CDK14: variants seen among roughly 807,000 people sequenced by gnomAD.
CDK14 encodes the protein cyclin-dependent kinase 14.
CDK14 carries 34 observed loss-of-function variants against 60.7 expected under a neutral mutation model. That is an observed-to-expected ratio of 0.56 (90% confidence interval 0.43 to 0.75). CDK14 has a LOEUF of 0.75. CDK14 is among the 30% of genes least tolerant of loss of function. The pLI is 0.00. For synonymous variants in CDK14, 197 were observed against 203.7 expected, an observed-to-expected ratio of 0.97 and a Z score of 0.28; for missense variants, 482 against 564.1, an observed-to-expected ratio of 0.85 and a Z score of 1.47.
Position 90,685,932 on chromosome 7 carries a change from T to C in CDK14, c.124-40635T>C, listed in dbSNP as rs529220647. On this transcript the variant is annotated intron_variant, in intron 2 of 14. Transcript: ENST00000380050. Reference sequence around the variant, plus strand: ...TATTTATTACCTGCTGCTTCATGTTTCTTTTTGTTGATATTTTGATTGTAC... The same window carrying C: ...TATTTATTACCTGCTGCTTCATGTTCCTTTTTGTTGATATTTTGATTGTAC... Among the ~76,000 whole-genome samples, 6 of 152,198 alleles carry C rather than the reference T, an allele frequency of 3.9e-5. No individual in the cohort carries two copies. The South Asian group carries it at 1.2e-3, about 32-fold the overall frequency.
intron 14 of CDK14, among the ~76,000 whole-genome samples, chr7:91,192,886 A>C (rs1015632646): frequency 6.6e-6 from 1 of 152,172 alleles, no homozygotes; most frequent in Non-Finnish European, 1.5e-5. Flanking sequence ...CACACTGCCA[A>C]CGTATGCTTC....
At position 91,112,595 on chromosome 7, in the gene CDK14, C is replaced by T. The variant is rs371326924; in HGVS notation, c.1208C>T (p.Ser403Phe). Residue 403 changes from serine to phenylalanine, a missense_variant, in exon 13 of 15, where the codon TCC becomes TTC. Physicochemically the swap from Ser to Phe is radical, Grantham distance 155. Coordinates refer to ENST00000380050, the MANE Select transcript of CDK14 (RefSeq NM_001287135.2). ...EDLASKLLQC[S>F]PKNRLSAQAA... ...CTGGCCTCCAAGCTCCTACAATGTT[C>T]CCCAAAGAACAGACTGTCGGCACAG... 6.2e-7 allele frequency: 1 copy of T among 1,613,720 alleles called. No homozygotes were observed. Among genetic ancestry groups the T allele is most frequent in the African/African-American group, 1.3e-5 (1 of 74,984 alleles).
At chr7:90,944,899 G>C (rs1324971206) in intron 8 of CDK14, among the ~76,000 whole-genome samples, 1 of 152,182 alleles carries the variant, frequency 6.6e-6, no homozygotes, top group Non-Finnish European at 1.5e-5. Context: ...GGACCAGGAA[G>C]GGGAGGGCAA....
At position 91,137,316 on chromosome 7, in the gene CDK14, C is replaced by G. The variant is rs116915466; in HGVS notation, c.*28+19108C>G. Among the ~76,000 whole-genome samples, 72 of 152,262 alleles carry G rather than the reference C, an allele frequency of 4.7e-4. No homozygotes were observed. The East Asian group carries it at 4.8e-3, about 10-fold the overall frequency. On this transcript the variant is annotated intron_variant, in intron 14 of 14. Transcript: ENST00000380050. ...GTTGCTGAGCTTGTCAAGCACAGTG[C>G]TGTGTTCTCTTTCCCACCAGGAAGG...
intron 4 of CDK14, among the ~76,000 whole-genome samples, chr7:90,756,175 A>T (rs1584860883): frequency 6.6e-6 from 1 of 152,260 alleles, no homozygotes; most frequent in Non-Finnish European, 1.5e-5. Context: ...TGAATATTCC[A>T]AATAGTTCTC....
intron 14 of CDK14, among the ~76,000 whole-genome samples, chr7:91,118,461 C>A (rs1003049960): frequency 1.8e-4 from 28 of 152,088 alleles, no homozygotes; most frequent in Admixed American, 7.9e-4. Flanking sequence ...TAGTTATAAG[C>A]AAGTCATCTT....
chr7:91,112,244 G>C (rs1217498168), intron 12 of CDK14, among the ~76,000 whole-genome samples: 1 of 152,056 alleles, frequency 6.6e-6, no homozygotes, highest in Non-Finnish European at 1.5e-5. Context: ...TATTTGATAT[G>C]TTGTCTTCTG....
intron 8 of CDK14, among the ~76,000 whole-genome samples, chr7:90,943,499 T>C (rs35116702): frequency 0.01 from 1,587 of 152,260 alleles, 27 homozygotes; most frequent in African/African-American, 0.035. Context: ...TAGATAAAAT[T>C]TGAGAAAAAT....
intron 6 of CDK14, among the ~76,000 whole-genome samples, chr7:90,895,818 C>T (rs376230909): frequency 1.1e-4 from 17 of 148,500 alleles, no homozygotes; most frequent in African/African-American, 1.5e-4. Context: ...TCAAGTGATC[C>T]GCCTGCCTCA....
chr7:90,824,440 T>C (rs1281867290), intron 5 of CDK14, among the ~76,000 whole-genome samples: 1 of 152,048 alleles, frequency 6.6e-6, no homozygotes, highest in Non-Finnish European at 1.5e-5. Context: ...ACCGAAGAGG[T>C]TTTGGAAACA....
intron 2 of CDK14, among the ~76,000 whole-genome samples, chr7:90,618,487 C>T (rs1481707759): frequency 6.6e-6 from 1 of 152,182 alleles, no homozygotes; most frequent in Non-Finnish European, 1.5e-5. Flanking sequence ...CTGGGCTCCA[C>T]CTTGCCCTCA....
At chr7:90,740,270 T>TAGAG (rs397890123) in intron 3 of CDK14, among the ~76,000 whole-genome samples, 1,869 of 140,074 alleles carry the variant, frequency 0.013, 27 homozygotes, top group Non-Finnish European at 0.012. Context: ...TATATATATA[T>TAGAG]AGAGAGAGAG....
intron 2 of CDK14, among the ~76,000 whole-genome samples, chr7:90,637,798 C>T (rs958963756): frequency 3.0e-5 from 4 of 133,798 alleles, no homozygotes; most frequent in Admixed American, 1.6e-4. Context: ...TAAGGACTTG[C>T]TTTATGAATC....
chr7:91,087,085 C>A (rs1383449569), intron 12 of CDK14, among the ~76,000 whole-genome samples: 4 of 152,122 alleles, frequency 2.6e-5, no homozygotes, highest in Non-Finnish European at 5.9e-5. Context: ...CCATCCCTAG[C>A]TAAGAAAGAG....
intron 11 of CDK14, among the ~76,000 whole-genome samples, chr7:91,046,375 A>G (rs67042934): frequency 0.14 from 20,627 of 152,220 alleles, 1,514 homozygotes; most frequent in Middle Eastern, 0.17. Flanking sequence ...AAACTAGTAA[A>G]TATATGGTCT....
chr7:91,126,841 AT>A (rs371017509), intron 14 of CDK14, among the ~76,000 whole-genome samples: 3 of 150,606 alleles, frequency 2.0e-5, no homozygotes, highest in Non-Finnish European at 3.0e-5. Flanking sequence ...TCTTTTTTTT[AT>A]TTTTTTTTCC....
At chr7:90,863,668 A>ATGTGTGTGTGTGTGTGTGTGTG (rs549142223) in intron 6 of CDK14, among the ~76,000 whole-genome samples, 2 of 48,900 alleles carry the variant, frequency 4.1e-5, no homozygotes, top group South Asian at 9.6e-4. Context: ...GCTTATTAAG[A>ATGTGTGTGTGTGTGTGTGTGTG]TATGTGTGTG....
intron 14 of CDK14, among the ~76,000 whole-genome samples, chr7:91,125,920 A>G (rs1362643326): frequency 6.6e-6 from 1 of 152,202 alleles, no homozygotes; most frequent in Non-Finnish European, 1.5e-5. Context: ...ATTACATATA[A>G]TAATTACTGT....
chr7:90,624,279 A>G (rs928515977), intron 2 of CDK14, among the ~76,000 whole-genome samples: 1 of 152,194 alleles, frequency 6.6e-6, no homozygotes, highest in Admixed American at 6.5e-5. Flanking sequence ...ATTCAGCATC[A>G]GATTAGGGGA....
Sources: allele counts gnomAD v4.1 joint callset (sites outside exome capture counted in the v4.1 genomes callset), GRCh38; gene constraint gnomAD v4.1.1; transcripts MANE v1.5; gene names NCBI Gene and HGNC (gene_info 2026-07-23, HGNC 2026-07-21).